The following SEPTIN9 variants were observed in gnomAD, a reference collection of about 807,000 sequenced individuals.
SEPTIN9 encodes the protein septin 9, also known as septin-9.
In SEPTIN9, 13 loss-of-function variants were observed where a neutral mutation model predicts 56.6. The ratio of observed to expected loss-of-function variants is 0.23; its 90% CI spans 0.15 to 0.37. The LOEUF (loss-of-function observed/expected upper bound fraction) is 0.37. Ranked by LOEUF, SEPTIN9 falls within the 10% of genes least tolerant of loss-of-function variation. The probability of loss-of-function intolerance (pLI) is 1.00; values close to 1 mark genes in which losing one functional copy is unlikely to be tolerated. For synonymous variants in SEPTIN9, 332 were observed against 334.1 expected (o/e 0.99, Z 0.07); for missense variants, 650 against 823.1 (o/e 0.79, Z 2.57).
rs1427090273 is a variant in SEPTIN9, at chr17:77,429,279, G to A, written c.721+26576G>A. ...CCTTGATCTGACCGTAATTTTGATG[G>A]TGCCGATGCCGTCAGCACGCAGGCC... is the stretch of plus-strand genomic sequence containing the variant. On this transcript the variant is annotated intron_variant, in intron 3 of 11. Coordinates refer to ENST00000427177, the MANE Select transcript of SEPTIN9 (RefSeq NM_001113491.2). This position sits in a 1 kb window ranked among gnomAD's most constrained non-coding sequence, Gnocchi z 5.2. 8 of 471,172 alleles carry A rather than the reference G, an allele frequency of 1.7e-5. No individual in the cohort carries two copies. The highest frequency in any genetic ancestry group is 3.5e-5 in the Non-Finnish European group (8 of 227,194). The allele number at this position is 471,172 out of a possible 1,614,324, so 29.2% of individuals were successfully genotyped here. A position where few individuals can be genotyped will look rare whatever the true frequency, so the allele number is the denominator to read the frequency against.
intron 3 of SEPTIN9, among the ~76,000 whole-genome samples, chr17:77,408,391 G>C (rs1192607988): frequency 6.6e-6 from 1 of 152,206 alleles, no homozygotes; most frequent in East Asian, 1.9e-4. Flanking sequence ...CTGTGACCCA[G>C]AGGGTCTGGA....
intron 2 of SEPTIN9, among the ~76,000 whole-genome samples, chr17:77,378,186 G>A (rs2035002690): frequency 6.6e-6 from 1 of 152,222 alleles, no homozygotes; most frequent in Non-Finnish European, 1.5e-5. Context: ...CTGCAGGCTG[G>A]AAATGCTTTC....
intron 3 of SEPTIN9, among the ~76,000 whole-genome samples, chr17:77,431,905 C>T (rs1409795202): frequency 1.3e-5 from 2 of 151,742 alleles, no homozygotes; most frequent in African/African-American, 2.4e-5. Flanking sequence ...CTACTTTTCG[C>T]CCAAGACTTG....
At chr17:77,411,593 G>A (rs2036303048) in intron 3 of SEPTIN9, among the ~76,000 whole-genome samples, 1 of 151,508 alleles carries the variant, frequency 6.6e-6, no homozygotes, top group East Asian at 2.0e-4. Flanking sequence ...GTAGAGACGG[G>A]GTTTCACCAT....
At chr17:77,346,010 G>T (rs1392896187) in intron 2 of SEPTIN9, among the ~76,000 whole-genome samples, 2 of 152,086 alleles carry the variant, frequency 1.3e-5, no homozygotes, top group Non-Finnish European at 2.9e-5. Context: ...GAGTGCAGTG[G>T]CATGATCTAG....
chr17:77,361,590 G>A (rs1441811046), intron 2 of SEPTIN9, among the ~76,000 whole-genome samples: 2 of 151,852 alleles, frequency 1.3e-5, no homozygotes, highest in African/African-American at 2.4e-5. Context: ...CTGGATAAAT[G>A]TTCTAGCTTA....
Position 77,318,193 on chromosome 17 carries a change from T to C in SEPTIN9, c.76+10996T>C, listed in dbSNP as rs1294885082. ...AAAAGGTTGGGGGCCACTGCCTTCA[T>C]CGCCTGCCCCTTTGAGCCTCTGGTG... On this transcript the variant is annotated intron_variant, in intron 2 of 11. Coordinates refer to ENST00000427177, the MANE Select transcript of SEPTIN9 (RefSeq NM_001113491.2). This position sits in a 1 kb window ranked among gnomAD's most constrained non-coding sequence, Gnocchi z 4.9. Among the ~76,000 whole-genome samples the C allele has an allele frequency of 6.6e-6, 1 of 152,092 alleles. No homozygotes were observed. Among genetic ancestry groups the C allele is most frequent in the Non-Finnish European group, 1.5e-5 (1 of 68,022 alleles).
chr17:77,424,664 C>A (rs565200284), intron 3 of SEPTIN9, among the ~76,000 whole-genome samples: 1 of 152,236 alleles, frequency 6.6e-6, no homozygotes, highest in Admixed American at 6.5e-5. Context: ...AAGCTCTTTG[C>A]TGTTGATCTT....
At chr17:77,376,241 C>T in intron 2 of SEPTIN9, 1 of 986,146 alleles carries the variant, frequency 1.0e-6, no homozygotes, top group African/African-American at 1.7e-5. Flanking sequence ...CTGTGAAGAT[C>T]ATATGGGCCA....
intron 1 of SEPTIN9, among the ~76,000 whole-genome samples, chr17:77,288,983 C>T (rs2031406708): frequency 6.6e-6 from 1 of 152,234 alleles, no homozygotes; most frequent in Non-Finnish European, 1.5e-5. Context: ...TGTGGCTGAC[C>T]TTGGCTGGGG....
chr17:77,460,126 T>G (rs2038400124), intron 3 of SEPTIN9, among the ~76,000 whole-genome samples: 1 of 151,826 alleles, frequency 6.6e-6, no homozygotes, highest in African/African-American at 2.4e-5. Context: ...GCATGAGATT[T>G]GGAGGGGACA....
chr17:77,442,190 C>G (rs922069629), intron 3 of SEPTIN9: 5 of 152,130 alleles, frequency 3.3e-5, no homozygotes, highest in African/African-American at 1.2e-4. Flanking sequence ...ACTGTCTCCC[C>G]TCTTCCCACT....
At chr17:77,379,329 C>T (rs898164883) in intron 2 of SEPTIN9, among the ~76,000 whole-genome samples, 2 of 151,920 alleles carry the variant, frequency 1.3e-5, no homozygotes, top group African/African-American at 4.8e-5. Flanking sequence ...GCAGTCACCA[C>T]GGTGCCCGGT....
rs779906283 is a variant in SEPTIN9, at chr17:77,327,326, G to T, written c.76+20129G>T. ...GCTTCCTGGCCCGTCTCTTGCTCTG[G>T]GCACCCCCCCACTCCGAACGGCCAG... On this transcript the variant is annotated intron_variant, in intron 2 of 11. Transcript: ENST00000427177. The surrounding 1 kb of genome is among the most constrained non-coding windows in gnomAD (Gnocchi z 5.0). Among the ~76,000 whole-genome samples the T allele has an allele frequency of 1.6e-4, 24 of 152,084 alleles. No individual in the cohort carries two copies. Among genetic ancestry groups the T allele is most frequent in the Admixed American group, 3.9e-4 (6 of 15,282 alleles).
chr17:77,286,800 G>T, intron 1 of SEPTIN9, among the ~76,000 whole-genome samples: 1 of 152,234 alleles, frequency 6.6e-6, no homozygotes, highest in East Asian at 1.9e-4. Context: ...CGGCCAGGGG[G>T]TGATGATGGC....
chr17:77,310,132 C>T lies in SEPTIN9; in HGVS notation c.76+2935C>T, dbSNP rs368177092. Among the ~76,000 whole-genome samples the T allele has an allele frequency of 1.1e-3, 160 of 151,098 alleles. No homozygotes were observed. Among genetic ancestry groups the T allele is most frequent in the African/African-American group, 3.6e-3 (144 of 40,416 alleles). The stretch of plus-strand genomic sequence containing the variant: ...TAGCCAGGATTACAGGCACCCGCCA[C>T]CATGTCTGGCTAATTTTTTTTGTAT... On this transcript the variant is annotated intron_variant, in intron 2 of 11. Transcript: ENST00000427177. This position sits in a 1 kb window ranked among gnomAD's most constrained non-coding sequence, Gnocchi z 4.7.
At chr17:77,466,821 G>A (rs2038756527) in intron 3 of SEPTIN9, among the ~76,000 whole-genome samples, 1 of 152,176 alleles carries the variant, frequency 6.6e-6, no homozygotes, top group South Asian at 2.1e-4. Context: ...CGCAGGAGAG[G>A]GTCAGATGCG....
chr17:77,490,620 C>A, intron 7 of SEPTIN9, 122 bp from the exon 8 acceptor site: 1 of 769,070 alleles, frequency 1.3e-6, no homozygotes, highest in Non-Finnish European at 2.2e-6. Context: ...CCTGTCCTTG[C>A]CAGCAGGGAC....
Position 77,286,694 on chromosome 17 carries a change from C to T in SEPTIN9, c.19+5140C>T, listed in dbSNP as rs370929978. Among the ~76,000 whole-genome samples, 105 of 152,344 alleles carry T rather than the reference C, an allele frequency of 6.9e-4. 1 individual carries two copies. The East Asian group carries it at 7.7e-3, about 11-fold the overall frequency. On this transcript the variant is annotated intron_variant, in intron 1 of 11. Transcript: ENST00000427177. ...GGGACCTAGAGGTGGCCCCTGTTTC[C>T]GCCCCAGTGTTTGTCCACAGGCAGT...
Sources: allele counts gnomAD v4.1 joint callset (sites outside exome capture counted in the v4.1 genomes callset), GRCh38; gene constraint gnomAD v4.1.1; non-coding constraint Gnocchi (gnomAD v3.1); transcripts MANE v1.5; gene names NCBI Gene and HGNC (gene_info 2026-07-23, HGNC 2026-07-21).